The following CTNNA3 variants were observed in gnomAD, a reference collection of about 807,000 sequenced individuals.
The protein encoded by CTNNA3 is catenin alpha 3.
In CTNNA3, 76 loss-of-function variants were observed where a neutral mutation model predicts 95.7. That is an observed-to-expected ratio of 0.79 (90% CI 0.66 to 0.96). The LOEUF is 0.96. Among genes scored for constraint, CTNNA3 ranks in the 40% least tolerant of loss-of-function variants. The pLI, the probability that CTNNA3 is intolerant of heterozygous loss-of-function variation, is 0.00. For synonymous variants in CTNNA3, 431 were observed against 374.4 expected, an observed-to-expected ratio of 1.15 and a Z score of -1.74; for missense variants, 1,191 against 1,089.8, an observed-to-expected ratio of 1.09 and a Z score of -1.31.
chr10:66,141,744 T>C (rs2083631002), intron 13 of CTNNA3, among the ~76,000 whole-genome samples: 1 of 152,146 alleles, frequency 6.6e-6, no homozygotes, highest in South Asian at 2.1e-4. Flanking sequence ...TAACAGCACA[T>C]ATAAGAGAGG....
chr10:67,553,143 A>T (rs1282520456), intron 3 of CTNNA3, among the ~76,000 whole-genome samples: 1 of 152,162 alleles, frequency 6.6e-6, no homozygotes, highest in Admixed American at 6.5e-5. Context: ...TGTGTGATAA[A>T]AACAGTTTTG....
intron 5 of CTNNA3, among the ~76,000 whole-genome samples, chr10:67,490,772 G>T (rs1016597721): frequency 3.9e-5 from 6 of 152,132 alleles, no homozygotes; most frequent in Admixed American, 3.9e-4. Context: ...GGCTCTAAGA[G>T]GTGGTCTTAG....
At position 66,131,799 on chromosome 10, in the gene CTNNA3, G is replaced by A. The variant is rs925042357; in HGVS notation, c.1885-28550C>T. 2.0e-5 allele frequency among the ~76,000 whole-genome samples: 3 copies of A among 152,054 alleles called. No homozygotes were observed. In the East Asian group the frequency reaches 5.8e-4, roughly 29 times the overall value. ...CAAAGTTGACAAAAACAAGCAATGG[G>A]GAAAGGACTCCCTATTCAATAAAAG... On this transcript the variant is annotated intron_variant, in intron 13 of 17. Transcript: ENST00000433211.
chr10:66,408,329 C>T (rs1589210259), intron 11 of CTNNA3, among the ~76,000 whole-genome samples: 1 of 151,978 alleles, frequency 6.6e-6, no homozygotes, highest in East Asian at 1.9e-4. Flanking sequence ...AAATGGTGGC[C>T]TTTTTTCTCT....
intron 5 of CTNNA3, among the ~76,000 whole-genome samples, chr10:67,257,787 A>C (rs1866423146): frequency 6.6e-6 from 1 of 152,228 alleles, no homozygotes; most frequent in African/African-American, 2.4e-5. Flanking sequence ...ATTACAGATA[A>C]TATAAAATAG....
intron 9 of CTNNA3, among the ~76,000 whole-genome samples, chr10:66,648,960 G>A (rs1365212215): frequency 6.6e-6 from 1 of 152,098 alleles, no homozygotes; most frequent in Non-Finnish European, 1.5e-5. Flanking sequence ...AGGGTGTGTA[G>A]AATTCTCTTT....
intron 7 of CTNNA3, among the ~76,000 whole-genome samples, chr10:66,902,026 C>T (rs186347870): frequency 8.9e-4 from 136 of 152,182 alleles, no homozygotes; most frequent in African/African-American, 3.0e-3. Flanking sequence ...TACCCCCAAG[C>T]GGACCTATTA....
In CTNNA3 at chr10:66,428,744, A is replaced by G. The variant is rs1472603786; in HGVS notation, c.1532-49392T>C. ...TAACATACTAGAATATCTGGGACACATTTAAAGCAGTGTGTAGAGGGAAAT... is the reference window on the plus strand; with the variant it reads ...TAACATACTAGAATATCTGGGACACGTTTAAAGCAGTGTGTAGAGGGAAAT... On this transcript the variant is annotated intron_variant, in intron 11 of 17. Coordinates refer to ENST00000433211, the MANE Select transcript of CTNNA3 (RefSeq NM_013266.4). Among the ~76,000 whole-genome samples, 8 of 152,178 alleles carry G rather than the reference A, an allele frequency of 5.3e-5. No homozygotes were observed. The South Asian group carries it at 1.7e-3, about 32-fold the overall frequency.
intron 17 of CTNNA3, among the ~76,000 whole-genome samples, chr10:65,930,611 T>C (rs2077237867): frequency 6.6e-6 from 1 of 152,178 alleles, no homozygotes; most frequent in Non-Finnish European, 1.5e-5. Context: ...TAAAATCTCA[T>C]AGTAGTTAAT....
chr10:66,018,779 T>A (rs1348741128), intron 15 of CTNNA3, among the ~76,000 whole-genome samples: 1 of 152,112 alleles, frequency 6.6e-6, no homozygotes, highest in East Asian at 1.9e-4. Context: ...TTTTTAGTTG[T>A]TAGATATCAT....
chr10:67,176,850 A>T (rs558302504), intron 7 of CTNNA3: 4 of 453,404 alleles, frequency 8.8e-6, no homozygotes, highest in African/African-American at 8.0e-5. Context: ...TGAGCCAAGG[A>T]ATGAGGGTGA....
chr10:66,173,257 A>G (rs990256733), intron 13 of CTNNA3, among the ~76,000 whole-genome samples: 2 of 152,168 alleles, frequency 1.3e-5, no homozygotes, highest in Non-Finnish European at 2.9e-5. Flanking sequence ...TAGAAAAAGA[A>G]AAGGTAGAGT....
intron 7 of CTNNA3, among the ~76,000 whole-genome samples, chr10:66,784,817 G>A (rs975650688): frequency 1.3e-5 from 2 of 152,100 alleles, no homozygotes; most frequent in South Asian, 4.1e-4. Context: ...AAAGAATCTG[G>A]AATTCCCATT....
intron 7 of CTNNA3, among the ~76,000 whole-genome samples, chr10:67,167,876 T>C (rs965397598): frequency 1.2e-4 from 19 of 152,210 alleles, no homozygotes; most frequent in African/African-American, 4.3e-4. Context: ...CTCACGCCTA[T>C]AATCCCAACA....
intron 10 of CTNNA3, among the ~76,000 whole-genome samples, chr10:66,569,050 T>C (rs1842791576): frequency 6.6e-6 from 1 of 152,112 alleles, no homozygotes; most frequent in Middle Eastern, 3.4e-3. Flanking sequence ...TGTGGCTTTG[T>C]CAGGAAGAAG....
intron 2 of CTNNA3, among the ~76,000 whole-genome samples, chr10:67,628,371 T>G (rs957815635): frequency 3.3e-5 from 5 of 152,070 alleles, no homozygotes; most frequent in African/African-American, 2.4e-5. Context: ...AGGTTTTGGC[T>G]TTTGGAAATC....
intron 11 of CTNNA3, among the ~76,000 whole-genome samples, chr10:66,442,933 G>T (rs963348313): frequency 6.6e-6 from 1 of 152,192 alleles, no homozygotes; most frequent in South Asian, 2.1e-4. Flanking sequence ...CAGACGTCAC[G>T]TGGAAAATCA....
At chr10:66,223,359 C>T (rs757469289) in intron 13 of CTNNA3, among the ~76,000 whole-genome samples, 1 of 151,958 alleles carries the variant, frequency 6.6e-6, no homozygotes, top group Non-Finnish European at 1.5e-5. Context: ...TTATAGCAGC[C>T]CTTCAGACCA....
At chr10:65,922,316 C>G (rs968828456) in intron 17 of CTNNA3, among the ~76,000 whole-genome samples, 2 of 152,100 alleles carry the variant, frequency 1.3e-5, no homozygotes, top group Non-Finnish European at 2.9e-5. Context: ...CTACCAGGAG[C>G]AATAGAGTAT....
Sources: gnomAD v4.1 joint callset for allele counts (sites outside exome capture counted in the v4.1 genomes callset) on GRCh38, gnomAD v4.1.1 for gene constraint, MANE v1.5 for transcripts, NCBI Gene and HGNC (gene_info 2026-07-23, HGNC 2026-07-21) for gene names.